The following FBXO45 variants were observed in gnomAD, a reference collection of about 807,000 sequenced individuals.
FBXO45 encodes the protein F-box/SPRY domain-containing protein 1.
Under a neutral mutation model 25.5 loss-of-function variants are expected in FBXO45, and 3 were observed. That is an observed-to-expected ratio of 0.12 (90% CI 0.05 to 0.30). The LOEUF is 0.30. FBXO45 is among the 10% of genes least tolerant of loss of function. The pLI, the probability that FBXO45 is intolerant of heterozygous loss-of-function variation, is 1.00. For synonymous variants in FBXO45, 155 were observed against 149.8 expected, an observed-to-expected ratio of 1.03 and a Z score of -0.25; for missense variants, 219 against 365.0, an observed-to-expected ratio of 0.60 and a Z score of 3.26.
At chr3:196,573,514 C>T (rs1735862657) in intron 1 of FBXO45, among the ~76,000 whole-genome samples, 1 of 152,110 alleles carries the variant, frequency 6.6e-6, no homozygotes, top group African/African-American at 2.4e-5. Flanking sequence ...ACCAGAGATA[C>T]TTAAGACTGG....
In FBXO45 at chr3:196,584,375, A is replaced by G. The variant is rs926627347; in HGVS notation, c.*57A>G. 6.2e-6 allele frequency: 9 copies of G among 1,446,824 alleles called. No individual in the cohort carries two copies. In the Middle Eastern group the frequency reaches 7.2e-4, roughly 115 times the overall value. The allele number at this position is 1,446,824 out of a possible 1,614,324, so 89.6% of individuals were successfully genotyped here. On this transcript the variant is annotated 3_prime_UTR_variant, in exon 3 of 3. Transcript: ENST00000311630. The surrounding 1 kb of genome is among the most constrained non-coding windows in gnomAD (Gnocchi z 4.3). ...GAGGAGAGATCTGCTTATGGGAAGTAGAACCATGAAGTGACTGTCACACAT... is the reference window on the plus strand; with the variant it reads ...GAGGAGAGATCTGCTTATGGGAAGTGGAACCATGAAGTGACTGTCACACAT...
intron 1 of FBXO45, among the ~76,000 whole-genome samples, chr3:196,572,856 G>A (rs1435097984): frequency 6.6e-6 from 1 of 152,176 alleles, no homozygotes; most frequent in Non-Finnish European, 1.5e-5. Flanking sequence ...TTGAAATAGG[G>A]ATGAGGAAGA....
At position 196,569,111 on chromosome 3, in the gene FBXO45, G is replaced by T. The variant is rs1205953836; in HGVS notation, c.127G>T (p.Val43Leu). The T allele has an allele frequency of 3.3e-6, 5 of 1,529,980 alleles. No homozygotes were observed. The highest frequency in any genetic ancestry group is 1.7e-4 in the Middle Eastern group (1 of 5,774). 94.8% of individuals were successfully genotyped at this position (1,529,980 alleles called of 1,614,324 possible). The change falls in exon 1 of 3, where the codon GTG (valine) becomes TTG (leucine). Residue 43 changes from valine (V) to leucine (L), a missense_variant. This residue lies in a region of FBXO45 where 138 missense variants were observed against 157.3 expected (regional missense o/e 0.88). Transcript: ENST00000311630. The surrounding 1 kb of genome is among the most constrained non-coding windows in gnomAD (Gnocchi z 4.1). ...GGCCGGGGGCCGGCTGCCCAGCCGG[G>T]TGCTGGAGTTGGTGTTCTCTTACCT... ...AGAGGRLPSRVLELVFSYLEL... is the reference protein window; with the variant it reads ...AGAGGRLPSRLLELVFSYLEL...
chr3:196,571,595 A>AT (rs1735827386), intron 1 of FBXO45, among the ~76,000 whole-genome samples: 1 of 152,238 alleles, frequency 6.6e-6, no homozygotes, highest in Non-Finnish European at 1.5e-5. Flanking sequence ...GATTCATATT[A>AT]TAATATGTAA....
chr3:196,569,502 C>G lies in FBXO45; in HGVS notation c.318+200C>G, dbSNP rs1735745696. Among the ~76,000 whole-genome samples the G allele has an allele frequency of 6.6e-6, 1 of 152,168 alleles. No homozygotes were observed. Among genetic ancestry groups the G allele is most frequent in the Non-Finnish European group, 1.5e-5 (1 of 68,024 alleles). On this transcript the variant is annotated intron_variant, in intron 1 of 2. Coordinates refer to ENST00000311630, the MANE Select transcript of FBXO45 (RefSeq NM_001105573.2). This position sits in a 1 kb window ranked among gnomAD's most constrained non-coding sequence, Gnocchi z 4.1. ...TCGAAGTTCTGCTCCTTAACCCATC[C>G]CACTTCCGTGATCCACTTTTCAAAC...
At chr3:196,581,078 G>A (rs1459373279) in intron 2 of FBXO45, among the ~76,000 whole-genome samples, 1 of 152,120 alleles carries the variant, frequency 6.6e-6, no homozygotes, top group African/African-American at 2.4e-5. Flanking sequence ...GAACCACTGG[G>A]CTTGACCTAA....
chr3:196,587,907 A>G lies in FBXO45; in HGVS notation c.*3589A>G, dbSNP rs1736165609. The G allele has an allele frequency of 6.6e-6, 1 of 152,120 alleles. No homozygotes were observed. The allele number at this position is 152,120 out of a possible 1,614,324, so 9.4% of individuals were successfully genotyped here. A position where few individuals can be genotyped will look rare whatever the true frequency, so the allele number is the denominator to read the frequency against. Reference sequence around the variant, plus strand: ...ATTCTCGTGCCTCAGCCTCCCGAGTAGCATGTGCCACCACACCTGGCTAAT... The same window carrying G: ...ATTCTCGTGCCTCAGCCTCCCGAGTGGCATGTGCCACCACACCTGGCTAAT... On this transcript the variant is annotated 3_prime_UTR_variant, in exon 3 of 3. Coordinates refer to ENST00000311630, the MANE Select transcript of FBXO45 (RefSeq NM_001105573.2).
Position 196,584,296 on chromosome 3 carries a change from T to C in FBXO45, c.839T>C (p.Leu280Pro). ...YGNTEVTLVYLGKPLDG is the reference protein window; with the variant it reads ...YGNTEVTLVYPGKPLDG ...AACACAGAAGTGACTTTGGTTTACC[T>C]TGGAAAACCTTTGGACGGATGACAG... is the stretch of plus-strand genomic sequence containing the variant. The change falls in exon 3 of 3, where the codon CTT (leucine) becomes CCT (proline). Residue 280 changes from leucine (L) to proline (P), a missense_variant. Around this residue, in one of 4 missense-constraint regions of FBXO45, gnomAD observed 16 missense variants for 52.3 expected, o/e 0.31. Transcript: ENST00000311630. This position sits in a 1 kb window ranked among gnomAD's most constrained non-coding sequence, Gnocchi z 4.3. 2 of 1,608,572 alleles carry C rather than the reference T, an allele frequency of 1.2e-6. No homozygotes were observed.
At chr3:196,578,762 T>A (rs1037863038) in intron 2 of FBXO45, among the ~76,000 whole-genome samples, 2 of 152,220 alleles carry the variant, frequency 1.3e-5, no homozygotes, top group Admixed American at 1.3e-4. Context: ...CAATGCAAAT[T>A]CATAAACTTT....
At position 196,569,450 on chromosome 3, in the gene FBXO45, C is replaced by A. The variant is rs1577592245; in HGVS notation, c.318+148C>A. 1 of 708,784 alleles carries A rather than the reference C, an allele frequency of 1.4e-6. No individual in the cohort carries two copies. Among genetic ancestry groups the A allele is most frequent in the Non-Finnish European group, 2.2e-6 (1 of 449,474 alleles). 43.9% of individuals were successfully genotyped at this position (708,784 alleles called of 1,614,324 possible). On this transcript the variant is annotated intron_variant, in intron 1 of 2. Transcript: ENST00000311630. This position sits in a 1 kb window ranked among gnomAD's most constrained non-coding sequence, Gnocchi z 4.1. Reference sequence around the variant, plus strand: ...AGTCAGTATCTTCCTCACCTCCCCCCAAGATAAAGATTCTCTTTTCTTTGG... The same window carrying A: ...AGTCAGTATCTTCCTCACCTCCCCCAAAGATAAAGATTCTCTTTTCTTTGG...
chr3:196,571,684 C>T (rs544995715), intron 1 of FBXO45, among the ~76,000 whole-genome samples: 16 of 152,300 alleles, frequency 1.1e-4, no homozygotes, highest in South Asian at 2.1e-4. Context: ...TCATCCTTGT[C>T]GCTCAGCTAC....
Position 196,569,061 on chromosome 3 carries a change from C to T in FBXO45, c.77C>T (p.Ala26Val), listed in dbSNP as rs1235089656. 6 of 1,194,468 alleles carry T rather than the reference C, an allele frequency of 5.0e-6. No homozygotes were observed. Among genetic ancestry groups the T allele is most frequent in the African/African-American group, 1.6e-5 (1 of 61,456 alleles). The allele number at this position is 1,194,468 out of a possible 1,614,324, so 74.0% of individuals were successfully genotyped here. A position where few individuals can be genotyped will look rare whatever the true frequency, so the allele number is the denominator to read the frequency against. The change falls in exon 1 of 3, where the codon GCG becomes GTG. Residue 26 changes from alanine to valine, a missense_variant. By Grantham distance (64) the Ala-to-Val change is moderately conservative (BLOSUM62 0). Transcript: ENST00000311630. This position sits in a 1 kb window ranked among gnomAD's most constrained non-coding sequence, Gnocchi z 4.1. ...AGCGGCGGCGGCGCGGGCGCGGGCG[C>T]GGGCTCGGGCTCTGGGGCCGCGGGG... ...GCSGGGAGAG[A>V]GSGSGAAGAG...
intron 1 of FBXO45, among the ~76,000 whole-genome samples, chr3:196,575,331 C>T (rs1161236740): frequency 4.0e-5 from 6 of 151,870 alleles, no homozygotes; most frequent in Non-Finnish European, 7.4e-5. Flanking sequence ...TGGTGCACGT[C>T]TGTAATCCCA....
chr3:196,583,458 A>G (rs1267191112), intron 2 of FBXO45, among the ~76,000 whole-genome samples: 1 of 149,056 alleles, frequency 6.7e-6, no homozygotes, highest in Non-Finnish European at 1.5e-5. Flanking sequence ...GTGAGCTGAG[A>G]TTGCACCACT....
At chr3:196,576,446 A>C (rs1377129027) in intron 1 of FBXO45, among the ~76,000 whole-genome samples, 1 of 152,158 alleles carries the variant, frequency 6.6e-6, no homozygotes, top group Non-Finnish European at 1.5e-5. Context: ...TACTCGGAAG[A>C]CTGAGATGGG....
intron 2 of FBXO45, among the ~76,000 whole-genome samples, chr3:196,578,751 C>G (rs561191963): frequency 1.3e-5 from 2 of 152,154 alleles, no homozygotes; most frequent in East Asian, 3.9e-4. Flanking sequence ...TGATTGTGAC[C>G]CAATGCAAAT....
At position 196,577,789 on chromosome 3, in the gene FBXO45, A is replaced by G; in HGVS notation, c.655A>G (p.Asn219Asp). 6.3e-7 allele frequency: 1 copy of G among 1,584,630 alleles called. No individual in the cohort carries two copies. ...AGTCAATGGCAGTTTTCCACAGTGC[A>G]ACAACGCACCAAAATATCAGGTGAG... is the stretch of plus-strand genomic sequence containing the variant. The part of the protein sequence containing the change: ...GEVNGSFPQC[N>D]NAPKYQIGER... The change falls in exon 2 of 3, where the codon AAC (asparagine) becomes GAC (aspartate). Residue 219 changes from asparagine to aspartate, a missense_variant. Transcript: ENST00000311630.
intron 1 of FBXO45, among the ~76,000 whole-genome samples, chr3:196,574,834 A>G (rs548275691): frequency 3.3e-5 from 5 of 152,166 alleles, no homozygotes; most frequent in Non-Finnish European, 5.9e-5. Flanking sequence ...AATGTGTGGG[A>G]GAAGAAAGCA....
At chr3:196,570,088 G>T (rs1243301775) in intron 1 of FBXO45, among the ~76,000 whole-genome samples, 1 of 152,116 alleles carries the variant, frequency 6.6e-6, no homozygotes, top group Non-Finnish European at 1.5e-5. Flanking sequence ...GTTGTGGTAC[G>T]GCTGAAAGGA....
Sources: allele counts gnomAD v4.1 joint callset (sites outside exome capture counted in the v4.1 genomes callset), GRCh38; gene constraint gnomAD v4.1.1; regional missense constraint gnomAD v4.1.1; non-coding constraint Gnocchi (gnomAD v3.1); transcripts MANE v1.5; gene names NCBI Gene and HGNC (gene_info 2026-07-23, HGNC 2026-07-21).